ARHGAP32: variants seen among roughly 807,000 people sequenced by gnomAD.
ARHGAP32 encodes the protein Rho GTPase activating protein 32, also known as rho GTPase-activating protein 32.
ARHGAP32 carries 51 observed loss-of-function variants against 186.5 expected under a neutral mutation model. The observed-to-expected ratio is 0.27, with a 90% CI of 0.22 to 0.35. The LOEUF (loss-of-function observed/expected upper bound fraction) is 0.35. ARHGAP32 is among the 10% of genes least tolerant of loss of function. The pLI, the probability that ARHGAP32 is intolerant of heterozygous loss-of-function variation, is 1.00. For missense variants in ARHGAP32, 2,186 were observed against 2,623.5 expected, an observed-to-expected ratio of 0.83 and a Z score of 3.64; for synonymous variants, 950 against 964.3, an observed-to-expected ratio of 0.99 and a Z score of 0.27.
intron 5 of ARHGAP32, among the ~76,000 whole-genome samples, chr11:129,108,778 C>T (rs775885838): frequency 1.5e-3 from 232 of 152,198 alleles, no homozygotes; most frequent in Middle Eastern, 3.4e-3. Context: ...TTTGAATGCA[C>T]AATTTTTAAA....
chr11:129,111,537 T>C (rs752666176), intron 5 of ARHGAP32, among the ~76,000 whole-genome samples: 1 of 152,156 alleles, frequency 6.6e-6, no homozygotes, highest in Non-Finnish European at 1.5e-5. Flanking sequence ...GAGATTTTCA[T>C]TGTTAGAAGA....
intron 5 of ARHGAP32, among the ~76,000 whole-genome samples, chr11:129,121,217 A>G (rs1367802975): frequency 1.3e-5 from 2 of 152,048 alleles, no homozygotes; most frequent in Non-Finnish European, 2.9e-5. Flanking sequence ...CAGTCCATCA[A>G]AATGTAAAAC....
chr11:129,025,996 C>G (rs565184149), intron 11 of ARHGAP32, among the ~76,000 whole-genome samples: 1 of 151,348 alleles, frequency 6.6e-6, no homozygotes, highest in South Asian at 2.1e-4. Context: ...TAACTGTATT[C>G]CACAATCATT....
intron 1 of ARHGAP32, among the ~76,000 whole-genome samples, chr11:129,221,122 T>C (rs563125319): frequency 6.6e-6 from 1 of 152,010 alleles, no homozygotes; most frequent in East Asian, 1.9e-4. Flanking sequence ...GTCTGGAAGC[T>C]GAGGACACCG....
chr11:129,188,674 T>G (rs1173409208), intron 1 of ARHGAP32, among the ~76,000 whole-genome samples: 1 of 150,686 alleles, frequency 6.6e-6, no homozygotes, highest in African/African-American at 2.5e-5. Flanking sequence ...TCTATAATGC[T>G]ATAAATCAAT....
chr11:129,217,985 G>A lies in ARHGAP32; in HGVS notation c.-4-53558C>T, dbSNP rs962152017. ...GAGAAGGACACTGGGAGAATTAAGC[G>A]TGACAATGTACACAATGGACTTAAC... On this transcript the variant is annotated intron_variant, in intron 1 of 6. Transcript: ENST00000525234. Among the ~76,000 whole-genome samples the A allele has an allele frequency of 2.0e-5, 3 of 152,216 alleles. No individual in the cohort carries two copies. In the East Asian group the frequency reaches 5.8e-4, roughly 29 times the overall value.
At chr11:129,085,685 A>G (rs1941366862) in intron 6 of ARHGAP32, among the ~76,000 whole-genome samples, 1 of 152,152 alleles carries the variant, frequency 6.6e-6, no homozygotes, top group South Asian at 2.1e-4. Flanking sequence ...GAAGGCTGAC[A>G]CTACCAGACC....
intron 1 of ARHGAP32, among the ~76,000 whole-genome samples, chr11:129,219,656 C>T (rs1364144966): frequency 6.6e-6 from 1 of 151,186 alleles, no homozygotes; most frequent in African/African-American, 2.4e-5. Flanking sequence ...ATTTTTCAAA[C>T]TTTTCTCATT....
At chr11:128,995,280 T>A (rs1946166901) in intron 12 of ARHGAP32, among the ~76,000 whole-genome samples, 2 of 152,146 alleles carry the variant, frequency 1.3e-5, no homozygotes, top group Non-Finnish European at 2.9e-5. Flanking sequence ...GATGATAGCT[T>A]ACTGTAGTCT....
chr11:129,254,828 G>C (rs780850671), intron 1 of ARHGAP32, among the ~76,000 whole-genome samples: 1 of 152,094 alleles, frequency 6.6e-6, no homozygotes, highest in Non-Finnish European at 1.5e-5. Context: ...ACACTGCAGT[G>C]ATTTATGCTA....
chr11:129,006,262 G>A (rs1591525068), intron 11 of ARHGAP32, among the ~76,000 whole-genome samples: 1 of 152,110 alleles, frequency 6.6e-6, no homozygotes, highest in East Asian at 1.9e-4. Context: ...ACGTTTTCCT[G>A]GATGGTCTTG....
chr11:129,024,067 C>A (rs1938720647), intron 11 of ARHGAP32: 1 of 985,472 alleles, frequency 1.0e-6, no homozygotes, highest in African/African-American at 1.7e-5. Context: ...GTTTTCAGGA[C>A]CCCCTGCAGC....
chr11:129,081,100 A>G (rs1434787096), intron 6 of ARHGAP32, among the ~76,000 whole-genome samples: 1 of 152,050 alleles, frequency 6.6e-6, no homozygotes, highest in African/African-American at 2.4e-5. Flanking sequence ...ACAAGCAGCA[A>G]TACTCAAATG....
chr11:129,165,625 A>G (rs1285447456), intron 1 of ARHGAP32, among the ~76,000 whole-genome samples: 2 of 150,954 alleles, frequency 1.3e-5, no homozygotes, highest in Admixed American at 1.3e-4. Context: ...GAAAAAAAAT[A>G]GTCAAACCAG....
chr11:128,970,055 C>G lies in ARHGAP32; in HGVS notation c.5158G>C (p.Gly1720Arg). 6.2e-7 allele frequency: 1 copy of G among 1,614,176 alleles called. No individual in the cohort carries two copies. The highest frequency in any genetic ancestry group is 8.5e-7 in the Non-Finnish European group (1 of 1,180,048). Residue 1720 changes from glycine to arginine, a missense_variant, in exon 23 of 23, where the codon GGT (glycine) becomes CGT (arginine). Physicochemically the swap from Gly to Arg is moderately radical, Grantham distance 125. Around this residue, in one of 5 missense-constraint regions of ARHGAP32, gnomAD observed 1,502 missense variants for 1,570.0 expected, o/e 0.96. Transcript: ENST00000682385. This position sits in a 1 kb window ranked among gnomAD's most constrained non-coding sequence, Gnocchi z 5.8. ...LQGKSLYSYA[G>R]LAPRPRANVT... ...TTGGCCCGGGGACGTGGAGCCAAAC[C>G]AGCATAACTGTACAAGCTCTTTCCT...
At chr11:128,977,032 C>T (rs1430353480) in intron 19 of ARHGAP32, among the ~76,000 whole-genome samples, 3 of 152,098 alleles carry the variant, frequency 2.0e-5, no homozygotes, top group African/African-American at 7.2e-5. Context: ...CAGAGATGGC[C>T]ATGTGGAGAT....
intron 1 of ARHGAP32, among the ~76,000 whole-genome samples, chr11:129,198,026 C>A (rs1046199480): frequency 6.6e-6 from 1 of 152,148 alleles, no homozygotes; most frequent in East Asian, 1.9e-4. Context: ...TGATTCTCTA[C>A]AGGTAACTTT....
intron 15 of ARHGAP32, among the ~76,000 whole-genome samples, chr11:128,983,562 G>A (rs1391257543): frequency 6.6e-6 from 1 of 151,934 alleles, no homozygotes; most frequent in Non-Finnish European, 1.5e-5. Flanking sequence ...GTTAATGGGT[G>A]CAGCACACCA....
intron 2 of ARHGAP32, among the ~76,000 whole-genome samples, chr11:129,132,929 A>T (rs1405030662): frequency 6.6e-6 from 1 of 152,224 alleles, no homozygotes; most frequent in Non-Finnish European, 1.5e-5. Flanking sequence ...GAAATGTAGC[A>T]TCCCAAATAA....
Sources: allele counts gnomAD v4.1 joint callset (sites outside exome capture counted in the v4.1 genomes callset), GRCh38; gene constraint gnomAD v4.1.1; regional missense constraint gnomAD v4.1.1; non-coding constraint Gnocchi (gnomAD v3.1); transcripts MANE v1.5; gene names NCBI Gene and HGNC (gene_info 2026-07-23, HGNC 2026-07-21).